The following ULK4 variants were observed in gnomAD, a reference collection of about 807,000 sequenced individuals.
ULK4 encodes inactive serine/threonine-protein kinase ULK4.
ULK4 carries 133 observed loss-of-function variants against 160.6 expected under a neutral mutation model. The observed-to-expected ratio is 0.83, with a 90% confidence interval of 0.72 to 0.96. The LOEUF (loss-of-function observed/expected upper bound fraction) is 0.96, where lower values mean the gene tolerates loss of function less well. Among genes scored for constraint, ULK4 ranks in the 40% least tolerant of loss-of-function variants. The pLI, the probability that ULK4 is intolerant of heterozygous loss-of-function variation, is 0.00. For synonymous variants in ULK4, 534 were observed against 539.8 expected (o/e 0.99, Z 0.15); for missense variants, 1,580 against 1,499.5 (o/e 1.05, Z -0.89).
intron 35 of ULK4, among the ~76,000 whole-genome samples, chr3:41,286,569 C>T (rs1363539800): frequency 1.3e-5 from 2 of 152,080 alleles, no homozygotes; most frequent in South Asian, 4.1e-4. Flanking sequence ...ACATGATAAA[C>T]GTAGAAAGAA....
chr3:41,430,256 A>G (rs569734244), intron 34 of ULK4, among the ~76,000 whole-genome samples: 25 of 152,334 alleles, frequency 1.6e-4, no homozygotes, highest in African/African-American at 5.3e-4. Context: ...TTGTCTACAT[A>G]AAATAGCTTA....
At chr3:41,953,446 G>A (rs2148844493) in intron 2 of ULK4, among the ~76,000 whole-genome samples, 1 of 151,716 alleles carries the variant, frequency 6.6e-6, no homozygotes, top group East Asian at 1.9e-4. Flanking sequence ...GGAATTACAG[G>A]TGTGCACTAC....
chr3:41,892,946 C>T (rs1034041425), intron 16 of ULK4, among the ~76,000 whole-genome samples: 1 of 152,212 alleles, frequency 6.6e-6, no homozygotes. Context: ...ACTGATCTCC[C>T]ATCTCCTTAG....
At chr3:41,627,985 A>G (rs1005256448) in intron 30 of ULK4, among the ~76,000 whole-genome samples, 2 of 152,172 alleles carry the variant, frequency 1.3e-5, no homozygotes, top group African/African-American at 4.8e-5. Context: ...CATGCTAAGA[A>G]ATGCTAAGAA....
chr3:41,702,257 G>T (rs534851974), intron 27 of ULK4, among the ~76,000 whole-genome samples: 1 of 152,248 alleles, frequency 6.6e-6, no homozygotes, highest in Admixed American at 6.5e-5. Flanking sequence ...CGATTCTCCT[G>T]TCTCAGCCTC....
chr3:41,275,193 CAT>C (rs1575383281), intron 35 of ULK4, among the ~76,000 whole-genome samples: 2 of 152,336 alleles, frequency 1.3e-5, no homozygotes, highest in East Asian at 3.9e-4. Context: ...CAGAGTTACT[CAT>C]GTGTCATTGC....
chr3:41,817,756 T>C (rs547732081), intron 19 of ULK4, among the ~76,000 whole-genome samples: 1 of 152,188 alleles, frequency 6.6e-6, no homozygotes, highest in South Asian at 2.1e-4. Context: ...ATGTACCCCC[T>C]AAATCTAAAA....
chr3:41,794,197 C>T (rs369561842), intron 20 of ULK4, among the ~76,000 whole-genome samples: 6 of 152,158 alleles, frequency 3.9e-5, no homozygotes, highest in Non-Finnish European at 7.3e-5. Flanking sequence ...GCAGGAAATA[C>T]AGACAGTTAC....
intron 34 of ULK4, among the ~76,000 whole-genome samples, chr3:41,407,192 C>G (rs1202894943): frequency 1.3e-5 from 2 of 152,108 alleles, no homozygotes; most frequent in African/African-American, 2.4e-5. Context: ...AAATTTATGG[C>G]TAAAAACCAT....
chr3:41,598,120 A>G (rs1027676041), intron 31 of ULK4, among the ~76,000 whole-genome samples: 14 of 152,128 alleles, frequency 9.2e-5, no homozygotes, highest in African/African-American at 3.1e-4. Flanking sequence ...CCAACATGCA[A>G]AACTGATCAA....
At chr3:41,561,991 G>A (rs1241949403) in intron 32 of ULK4, among the ~76,000 whole-genome samples, 1 of 152,100 alleles carries the variant, frequency 6.6e-6, no homozygotes, top group Non-Finnish European at 1.5e-5. Context: ...TTCTCTTGTG[G>A]GCATTTAGTG....
At chr3:41,437,759 GC>G (rs1183993181) in intron 34 of ULK4, among the ~76,000 whole-genome samples, 3 of 152,166 alleles carry the variant, frequency 2.0e-5, no homozygotes, top group Admixed American at 1.3e-4. Flanking sequence ...TTCTAAGAAA[GC>G]AACCCAAGGC....
chr3:41,839,147 AG>A (rs2041840405), intron 17 of ULK4, among the ~76,000 whole-genome samples: 1 of 152,056 alleles, frequency 6.6e-6, no homozygotes, highest in South Asian at 2.1e-4. Flanking sequence ...CAGGAGTCAG[AG>A]ACCAGCCTGA....
chr3:41,802,450 C>G (rs566456356), intron 19 of ULK4, among the ~76,000 whole-genome samples: 1 of 152,188 alleles, frequency 6.6e-6, no homozygotes, highest in East Asian at 1.9e-4. Flanking sequence ...GCATGTGCCA[C>G]CATGCCCAGC....
At chr3:41,384,374 G>A (rs564801170) in intron 35 of ULK4, among the ~76,000 whole-genome samples, 3 of 152,132 alleles carry the variant, frequency 2.0e-5, no homozygotes, top group East Asian at 1.9e-4. Flanking sequence ...TTCAGTATGC[G>A]AGCCTTGGTT....
intron 34 of ULK4, among the ~76,000 whole-genome samples, chr3:41,443,484 CT>C (rs1323491507): frequency 6.6e-6 from 1 of 152,178 alleles, no homozygotes; most frequent in Non-Finnish European, 1.5e-5. Flanking sequence ...AGTGAAATGA[CT>C]AGTCACTAAT....
intron 32 of ULK4, among the ~76,000 whole-genome samples, chr3:41,561,111 A>G (rs894521238): frequency 6.6e-6 from 1 of 152,128 alleles, no homozygotes; most frequent in African/African-American, 2.4e-5. Flanking sequence ...TTCTGCATCT[A>G]TTGAGATAAT....
intron 20 of ULK4, among the ~76,000 whole-genome samples, chr3:41,792,198 AT>A (rs930333135): frequency 2.6e-5 from 4 of 152,106 alleles, no homozygotes; most frequent in Non-Finnish European, 4.4e-5. Context: ...AATTCACTTT[AT>A]TTTTTTCTCT....
At chr3:41,859,595 G>A (rs2042449469) in intron 17 of ULK4, 1 of 519,220 alleles carries the variant, frequency 1.9e-6, no homozygotes, top group South Asian at 1.4e-5. Context: ...TAATATGCAT[G>A]GTCACTGCCT....
Sources: allele counts gnomAD v4.1 joint callset (sites outside exome capture counted in the v4.1 genomes callset), GRCh38; gene constraint gnomAD v4.1.1; transcripts MANE v1.5; gene names NCBI Gene and HGNC (gene_info 2026-07-23, HGNC 2026-07-21).